Variants in MTMR7 observed in about 807,000 individuals in gnomAD.
MTMR7 encodes the protein myotubularin related protein 7, also known as phosphatidylinositol-3-phosphate phosphatase MTMR7.
In MTMR7, 76 loss-of-function variants were observed where a neutral mutation model predicts 81.2. The observed-to-expected ratio is 0.94, with a 90% CI of 0.78 to 1.13. The LOEUF (loss-of-function observed/expected upper bound fraction) is 1.13, where lower values mean the gene tolerates loss of function less well. Among genes scored for constraint, MTMR7 ranks in the 50% most tolerant of loss-of-function variants. The pLI is 0.00. For synonymous variants in MTMR7, 372 were observed against 289.8 expected, an observed-to-expected ratio of 1.28 and a Z score of -2.88; for missense variants, 1,044 against 820.0, an observed-to-expected ratio of 1.27 and a Z score of -3.34.
intron 1 of MTMR7, among the ~76,000 whole-genome samples, chr8:17,385,383 T>G (rs1820901202): frequency 6.6e-6 from 1 of 152,298 alleles, no homozygotes; most frequent in East Asian, 1.9e-4. Context: ...GGGAGGTAAC[T>G]GAATCATGGG....
chr8:17,299,848 T>A lies in MTMR7; in HGVS notation c.*14A>T. 6.2e-7 allele frequency: 1 copy of A among 1,613,202 alleles called. No individual in the cohort carries two copies. Among genetic ancestry groups the A allele is most frequent in the Non-Finnish European group, 8.5e-7 (1 of 1,179,370 alleles). On this transcript the variant is annotated 3_prime_UTR_variant, in exon 14 of 14. Coordinates refer to ENST00000180173, the MANE Select transcript of MTMR7 (RefSeq NM_004686.5). ...GCTTATGTGTCCTTTACTTTGGAAC[T>A]CCAAAGGGAAACTTCAGGCAGTGAG...
chr8:17,398,958 T>A (rs568713404), intron 1 of MTMR7, among the ~76,000 whole-genome samples: 48 of 152,124 alleles, frequency 3.2e-4, no homozygotes, highest in African/African-American at 1.2e-3. Context: ...TTCCGAGGGT[T>A]GAGGATAGAA....
intron 5 of MTMR7, among the ~76,000 whole-genome samples, chr8:17,346,364 T>C (rs888711047): frequency 2.6e-5 from 4 of 152,182 alleles, no homozygotes; most frequent in Non-Finnish European, 4.4e-5. Flanking sequence ...ATCTCTGTTC[T>C]GTACCTTGGA....
rs1277421150 is a variant in MTMR7, at chr8:17,297,014, GT to G, written c.*2847del. The G allele has an allele frequency of 1.3e-5, 2 of 152,116 alleles. No homozygotes were observed. The highest frequency in any genetic ancestry group is 4.8e-5 in the African/African-American group (2 of 41,448). The allele number at this position is 152,116 out of a possible 1,614,324, so 9.4% of individuals were successfully genotyped here. A position where few individuals can be genotyped will look rare whatever the true frequency, so the allele number is the denominator to read the frequency against. ...ATATGCCCGTATGAATGTGGGTTCT[GT>G]TTTTGCAACAGAGATTAAGTGACCA... On this transcript the variant is annotated 3_prime_UTR_variant, in exon 14 of 14. Coordinates refer to ENST00000180173, the MANE Select transcript of MTMR7 (RefSeq NM_004686.5).
At chr8:17,405,863 C>A (rs956431929) in intron 1 of MTMR7, among the ~76,000 whole-genome samples, 6 of 94,204 alleles carry the variant, frequency 6.4e-5, no homozygotes, top group Non-Finnish European at 1.3e-4. Flanking sequence ...CACACACACA[C>A]ACACACACAC....
At chr8:17,366,095 A>G (rs2150561053) in intron 3 of MTMR7, among the ~76,000 whole-genome samples, 1 of 152,288 alleles carries the variant, frequency 6.6e-6, no homozygotes, top group African/African-American at 2.4e-5. Context: ...TACTTCCCAT[A>G]GAAAATGCAA....
intron 1 of MTMR7, among the ~76,000 whole-genome samples, chr8:17,383,954 C>G (rs556748723): frequency 2.6e-5 from 4 of 152,102 alleles, no homozygotes; most frequent in Non-Finnish European, 5.9e-5. Context: ...TAGAAATTCT[C>G]AAGTCATTTT....
chr8:17,390,966 C>G (rs1031344787), intron 1 of MTMR7, among the ~76,000 whole-genome samples: 5 of 152,170 alleles, frequency 3.3e-5, no homozygotes, highest in African/African-American at 1.2e-4. Context: ...ATATCAGGTG[C>G]CCAGGGAAGT....
chr8:17,371,259 A>G, intron 2 of MTMR7, 60 bp from the exon 3 acceptor site: 1 of 1,534,226 alleles, frequency 6.5e-7, no homozygotes, highest in Non-Finnish European at 8.9e-7. Context: ...TACGACAAGG[A>G]CTAACATTTC....
intron 9 of MTMR7, among the ~76,000 whole-genome samples, 192 bp downstream of exon 9, chr8:17,311,319 C>T (rs574054581): frequency 7.4e-4 from 112 of 152,314 alleles, no homozygotes; most frequent in Non-Finnish European, 1.2e-3. Context: ...AGAAATTCAT[C>T]TCTTTATTCC....
chr8:17,361,248 A>C lies in MTMR7; in HGVS notation c.337T>G (p.Ser113Ala). Residue 113 changes from serine (S) to alanine (A), a missense_variant, in exon 4 of 14, where the codon TCA becomes GCA. Physicochemically the swap from Ser to Ala is moderately conservative, Grantham distance 99 (BLOSUM62 1). Coordinates refer to ENST00000180173, the MANE Select transcript of MTMR7 (RefSeq NM_004686.5). ...PVKYEELYCF[S>A]FNPMLDKEER... is the part of the protein sequence containing the mutation. ...TCTTTATCCAGCATGGGGTTGAATG[A>C]AAAGCAGTATAACTCCTCATATTTC... 3 of 1,614,218 alleles carry C rather than the reference A, an allele frequency of 1.9e-6. No homozygotes were observed. In the South Asian group the frequency reaches 3.3e-5, roughly 18 times the overall value.
chr8:17,304,008 C>T (rs1817293143), intron 12 of MTMR7, among the ~76,000 whole-genome samples: 1 of 152,176 alleles, frequency 6.6e-6, no homozygotes, highest in Non-Finnish European at 1.5e-5. Flanking sequence ...GCAAAAACCA[C>T]AATTATTTTT....
At chr8:17,387,717 C>A (rs1243706062) in intron 1 of MTMR7, among the ~76,000 whole-genome samples, 1 of 152,042 alleles carries the variant, frequency 6.6e-6, no homozygotes, top group Admixed American at 6.6e-5. Context: ...ATCTCTAATT[C>A]CTATACGTAA....
intron 1 of MTMR7, among the ~76,000 whole-genome samples, chr8:17,380,453 G>C (rs1010678042): frequency 6.6e-6 from 1 of 151,974 alleles, no homozygotes; most frequent in African/African-American, 2.4e-5. Flanking sequence ...GGAACAGGTG[G>C]CGTGGCCCGG....
At chr8:17,406,906 C>T (rs1821600047) in intron 1 of MTMR7, among the ~76,000 whole-genome samples, 2 of 151,988 alleles carry the variant, frequency 1.3e-5, no homozygotes, top group Admixed American at 6.6e-5. Flanking sequence ...TCCAGAAAAA[C>T]AAACATATAT....
intron 3 of MTMR7, among the ~76,000 whole-genome samples, chr8:17,363,935 C>CTT (rs34907644): frequency 1.2e-4 from 15 of 129,066 alleles, no homozygotes; most frequent in Admixed American, 9.2e-4. Context: ...CTTGACAATC[C>CTT]TTTTTTTTTT....
chr8:17,302,707 C>G (rs1180422052), intron 12 of MTMR7, among the ~76,000 whole-genome samples: 1 of 54,640 alleles, frequency 1.8e-5, no homozygotes, highest in African/African-American at 4.4e-5. Context: ...GCAATAACCC[C>G]CCCCCCCCCG....
chr8:17,325,090 C>T lies in MTMR7; in HGVS notation c.865+6060G>A, dbSNP rs566736593. ...CAGCACTCCATAAAGACATGAGGTA[C>T]GGAAGAATGTGTCGAGCAAAAGGGA... is the stretch of plus-strand genomic sequence containing the variant. On this transcript the variant is annotated intron_variant, in intron 7 of 13. Coordinates refer to ENST00000180173, the MANE Select transcript of MTMR7 (RefSeq NM_004686.5). 5.9e-5 allele frequency among the ~76,000 whole-genome samples: 9 copies of T among 152,054 alleles called. No individual in the cohort carries two copies. In the East Asian group the frequency reaches 7.8e-4, roughly 13 times the overall value.
chr8:17,299,007 T>TACTA lies in MTMR7; in HGVS notation c.*851_*854dup, dbSNP rs1167541135. ...GATTTTCACTCACAGATGTTTTATC[T>TACTA]ACTAACTTTATAATGTGATACTTTG... On this transcript the variant is annotated 3_prime_UTR_variant, in exon 14 of 14. Transcript: ENST00000180173. The TACTA allele has an allele frequency of 6.6e-6, 1 of 152,210 alleles. No homozygotes were observed. The highest frequency in any genetic ancestry group is 1.5e-5 in the Non-Finnish European group (1 of 68,024). 9.4% of individuals were successfully genotyped at this position (152,210 alleles called of 1,614,324 possible).
Sources: allele counts gnomAD v4.1 joint callset (sites outside exome capture counted in the v4.1 genomes callset), GRCh38; gene constraint gnomAD v4.1.1; transcripts MANE v1.5; gene names NCBI Gene and HGNC (gene_info 2026-07-23, HGNC 2026-07-21).